Variants in SV2C observed in about 807,000 individuals in gnomAD.
The protein encoded by SV2C is synaptic vesicle glycoprotein 2C, also known as solute carrier family 22 member B3.
A neutral mutation model predicts 79.7 loss-of-function variants in SV2C; 49 were observed. That is an observed-to-expected ratio of 0.61 (90% CI 0.49 to 0.78). SV2C has a LOEUF of 0.78. Among genes scored for constraint, SV2C ranks in the 30% least tolerant of loss-of-function variants. SV2C has a pLI of 0.00. For synonymous variants in SV2C, 334 were observed against 333.2 expected, an observed-to-expected ratio of 1.00 and a Z score of -0.03; for missense variants, 833 against 912.9, an observed-to-expected ratio of 0.91 and a Z score of 1.13.
At chr5:76,015,220 A>C in the SV2C span, among the ~76,000 whole-genome samples, 1 of 152,174 alleles carries the variant, frequency 6.6e-6, no homozygotes, top group Non-Finnish European at 1.5e-5. Context: ...TGAAGTCTCC[A>C]TCTCTGAGTA....
intron 4 of SV2C, among the ~76,000 whole-genome samples, chr5:76,212,107 TTTAA>T (rs56333820): frequency 0.037 from 5,607 of 152,112 alleles, 143 homozygotes; most frequent in Non-Finnish European, 0.058. Context: ...ATTTTTTTTT[TTTAA>T]TTTGAGATCT....
In SV2C at chr5:76,182,918, A is replaced by AGTGTGT. The variant is rs577550259; in HGVS notation, c.581-11988_581-11983dup. Among the ~76,000 whole-genome samples, 38 of 141,242 alleles carry AGTGTGT rather than the reference A, an allele frequency of 2.7e-4. 1 individual carries two copies. The highest frequency in any genetic ancestry group is 8.6e-4 in the Admixed American group (12 of 13,942). The allele number at this position is 141,242 out of a possible 152,430, so 92.7% of individuals were successfully genotyped here. A position where few individuals can be genotyped will look rare whatever the true frequency, so the allele number is the denominator to read the frequency against. On this transcript the variant is annotated intron_variant, in intron 2 of 12. Transcript: ENST00000502798. ...TGGTGAAACTAGGATTGAGAGAGAG[A>AGTGTGT]GTGTGTGTGTGTGTGTGTATGTGAG...
the SV2C span, among the ~76,000 whole-genome samples, chr5:75,851,729 C>A: frequency 3.3e-5 from 5 of 152,234 alleles, no homozygotes; most frequent in Admixed American, 3.3e-4. Context: ...CAAGCTCCCC[C>A]TCCCGGGTTC....
At chr5:76,165,726 G>A (rs1352058693) in intron 2 of SV2C, among the ~76,000 whole-genome samples, 1 of 151,958 alleles carries the variant, frequency 6.6e-6, no homozygotes, top group Non-Finnish European at 1.5e-5. Context: ...AATATACATT[G>A]AGCTTGGATT....
At chr5:76,073,501 GTGTATA>G in the SV2C span, among the ~76,000 whole-genome samples, 1,469 of 87,192 alleles carry the variant, frequency 0.017, 39 homozygotes, top group African/African-American at 0.055. Context: ...ATGTATGTGT[GTGTATA>G]TATATATATA....
At chr5:76,078,331 G>A in the SV2C span, among the ~76,000 whole-genome samples, 1 of 152,176 alleles carries the variant, frequency 6.6e-6, no homozygotes, top group Non-Finnish European at 1.5e-5. Context: ...ATGAGGTTGA[G>A]GATATTGGGC....
At chr5:76,252,422 G>T (rs554744649) in intron 4 of SV2C, among the ~76,000 whole-genome samples, 2 of 152,096 alleles carry the variant, frequency 1.3e-5, no homozygotes, top group African/African-American at 4.8e-5. Flanking sequence ...GCTCCCAGCC[G>T]CAGTGATACA....
chr5:75,977,088 T>C, the SV2C span, among the ~76,000 whole-genome samples: 3 of 152,080 alleles, frequency 2.0e-5, no homozygotes, highest in Admixed American at 1.3e-4. Flanking sequence ...AAATGAAAAA[T>C]ATAAATTATT....
chr5:76,202,533 C>T (rs1007670253), intron 3 of SV2C, among the ~76,000 whole-genome samples: 5 of 152,150 alleles, frequency 3.3e-5, no homozygotes, highest in South Asian at 2.1e-4. Flanking sequence ...TATGGCACAA[C>T]GTATACATGA....
intron 12 of SV2C, among the ~76,000 whole-genome samples, chr5:76,345,450 T>C (rs1048426033): frequency 6.6e-6 from 1 of 152,066 alleles, no homozygotes; most frequent in South Asian, 2.1e-4. Flanking sequence ...AAGGACAATA[T>C]GACATGTATT....
At chr5:76,061,875 A>G in the SV2C span, among the ~76,000 whole-genome samples, 2 of 152,166 alleles carry the variant, frequency 1.3e-5, no homozygotes, top group African/African-American at 2.4e-5. Flanking sequence ...AAATGGATCA[A>G]GTAATCACGA....
chr5:75,894,380 T>C, the SV2C span, among the ~76,000 whole-genome samples: 5 of 152,090 alleles, frequency 3.3e-5, no homozygotes, highest in Non-Finnish European at 7.4e-5. Flanking sequence ...TCATGGACTT[T>C]GTGGCATTTT....
intron 2 of SV2C, among the ~76,000 whole-genome samples, chr5:76,186,796 G>GGAGA (rs60081746): frequency 0.79 from 120,396 of 151,776 alleles, 48,315 homozygotes; most frequent in African/African-American, 0.9. Context: ...CAGGACAGCA[G>GGAGA]GAGAATGAGC....
chr5:75,917,570 G>A, the SV2C span, among the ~76,000 whole-genome samples: 6 of 152,216 alleles, frequency 3.9e-5, no homozygotes, highest in African/African-American at 1.4e-4. Flanking sequence ...GGCACAGAAA[G>A]GCAAATATTA....
the SV2C span, among the ~76,000 whole-genome samples, chr5:75,956,936 C>A: frequency 3.9e-5 from 6 of 151,960 alleles, no homozygotes; most frequent in African/African-American, 7.2e-5. Context: ...TCCCTTGTAA[C>A]TTCTCAGCCA....
At chr5:76,294,642 C>CT (rs1406867609) in intron 8 of SV2C, among the ~76,000 whole-genome samples, 1 of 152,114 alleles carries the variant, frequency 6.6e-6, no homozygotes, top group African/African-American at 2.4e-5. Context: ...TTTTTACCTT[C>CT]TTTTTTTCCG....
intron 2 of SV2C, among the ~76,000 whole-genome samples, chr5:76,143,204 A>AT (rs1379314069): frequency 2.0e-5 from 3 of 151,884 alleles, no homozygotes; most frequent in Admixed American, 1.3e-4. Flanking sequence ...GGCCTCTTCA[A>AT]TTTTTTCTTA....
At chr5:75,995,384 G>C in the SV2C span, among the ~76,000 whole-genome samples, 1 of 152,022 alleles carries the variant, frequency 6.6e-6, no homozygotes, top group African/African-American at 2.4e-5. Flanking sequence ...CTGAGGCATG[G>C]GCTGAGATTT....
chr5:75,867,507 C>T, the SV2C span, among the ~76,000 whole-genome samples: 4 of 152,120 alleles, frequency 2.6e-5, no homozygotes, highest in Non-Finnish European at 5.9e-5. Flanking sequence ...AATTCCTGGA[C>T]TGGACTGAGG....
Sources: allele counts gnomAD v4.1 joint callset (sites outside exome capture counted in the v4.1 genomes callset), GRCh38; gene constraint gnomAD v4.1.1; transcripts MANE v1.5; gene names NCBI Gene and HGNC (gene_info 2026-07-23, HGNC 2026-07-21).